Variants in NTAQ1 observed in about 807,000 individuals in gnomAD.
NTAQ1 encodes the protein N-terminal glutamine amidase 1.
Under a neutral mutation model 28.2 loss-of-function variants are expected in NTAQ1, and 21 were observed. The ratio of observed to expected loss-of-function variants is 0.74; its 90% CI spans 0.53 to 1.07. NTAQ1 has a LOEUF of 1.07. NTAQ1 is among the 50% of genes least tolerant of loss of function. The pLI, the probability that NTAQ1 is intolerant of heterozygous loss-of-function variation, is 0.00. For synonymous variants in NTAQ1, 105 were observed against 90.0 expected (o/e 1.17, Z -0.94); for missense variants, 264 against 256.6 (o/e 1.03, Z -0.20).
chr8:123,458,416 A>C (rs1018654063), intron 6 of NTAQ1, among the ~76,000 whole-genome samples: 7 of 152,036 alleles, frequency 4.6e-5, no homozygotes, highest in Non-Finnish European at 1.0e-4. Context: ...CTGTGAGTGA[A>C]AGTGAGACCT....
rs114510505 is a variant in NTAQ1, at chr8:123,462,509, C to T, written c.373-4570C>T. On this transcript the variant is annotated intron_variant, in intron 6 of 6. Transcript: ENST00000650311. Reference sequence around the variant, plus strand: ...TTCTAAGGCACTCTCTTAGAAGCCTCCTCAAAAAGAAGGAGATGATAATAA... The same window carrying T: ...TTCTAAGGCACTCTCTTAGAAGCCTTCTCAAAAAGAAGGAGATGATAATAA... Among the ~76,000 whole-genome samples the T allele has an allele frequency of 9.4e-3, 1,428 of 152,186 alleles. 27 individuals carry two copies. The highest frequency in any genetic ancestry group is 0.033 in the African/African-American group (1,373 of 41,506).
chr8:123,460,131 A>T (rs1228123553), intron 6 of NTAQ1, among the ~76,000 whole-genome samples: 2 of 152,100 alleles, frequency 1.3e-5, no homozygotes, highest in African/African-American at 2.4e-5. Context: ...CACAGCAGAT[A>T]TCTCTTGATT....
At chr8:123,455,041 T>C (rs1016575102) in intron 6 of NTAQ1, 2 of 152,210 alleles carry the variant, frequency 1.3e-5, no homozygotes, top group Admixed American at 1.3e-4. Flanking sequence ...TTCCATTTTG[T>C]TTTCAATTAG....
At position 123,439,462 on chromosome 8, in the gene NTAQ1, C is replaced by T. The variant is rs565200799; in HGVS notation, c.509-1844C>T. Among the ~76,000 whole-genome samples, 181 of 152,008 alleles carry T rather than the reference C, an allele frequency of 1.2e-3. 1 individual carries two copies. Among genetic ancestry groups the T allele is most frequent in the Non-Finnish European group, 2.3e-3 (155 of 67,986 alleles). Reference sequence around the variant, plus strand: ...GGTTCATGCCATTCTCCTGCCTCAGCCTCCTGAGTAGCTGGGACTACAGGC... The same window carrying T: ...GGTTCATGCCATTCTCCTGCCTCAGTCTCCTGAGTAGCTGGGACTACAGGC... On this transcript the variant is annotated intron_variant, in intron 5 of 5. Coordinates refer to ENST00000287387, the MANE Select transcript of NTAQ1 (RefSeq NM_018024.3).
chr8:123,435,756 AC>A (rs1413452109), intron 3 of NTAQ1, among the ~76,000 whole-genome samples: 1 of 151,984 alleles, frequency 6.6e-6, no homozygotes, highest in Non-Finnish European at 1.5e-5. Context: ...AGTCCCAGCT[AC>A]TCAGGAGGCT....
chr8:123,473,889 A>G (rs916930476), downstream of NTAQ1, among the ~76,000 whole-genome samples: 4 of 152,194 alleles, frequency 2.6e-5, no homozygotes, highest in African/African-American at 9.7e-5. Flanking sequence ...CATTATGGTT[A>G]GTCAGGAAGT....
intron 6 of NTAQ1, among the ~76,000 whole-genome samples, chr8:123,458,563 T>C (rs75904853): frequency 0.022 from 3,363 of 151,940 alleles, 113 homozygotes; most frequent in African/African-American, 0.074. Context: ...CATGAGCTCA[T>C]GCGAAGAGAG....
intron 6 of NTAQ1, chr8:123,447,904 AT>A (rs1815348371): frequency 1.3e-5 from 2 of 152,242 alleles, no homozygotes; most frequent in Admixed American, 1.3e-4. Context: ...CTGCTCTGCC[AT>A]GGACTACATT....
downstream of NTAQ1, among the ~76,000 whole-genome samples, chr8:123,452,103 C>T (rs986028804): frequency 2.0e-5 from 3 of 152,176 alleles, no homozygotes; most frequent in African/African-American, 4.8e-5. Context: ...TTGTCACAAA[C>T]GCAGATATGG....
intron 6 of NTAQ1, among the ~76,000 whole-genome samples, chr8:123,453,470 C>G (rs912077037): frequency 1.3e-5 from 2 of 151,624 alleles, no homozygotes; most frequent in African/African-American, 4.8e-5. Context: ...CTCTTGTCAC[C>G]TAGGCTGGAG....
At chr8:123,457,738 T>C (rs1815689388) in intron 6 of NTAQ1, among the ~76,000 whole-genome samples, 1 of 152,106 alleles carries the variant, frequency 6.6e-6, no homozygotes, top group African/African-American at 2.4e-5. Flanking sequence ...ATATTACTTA[T>C]TAAGGGTAGA....
intron 4 of NTAQ1, among the ~76,000 whole-genome samples, 163 bp from the exon 5 acceptor site, chr8:123,437,047 C>T (rs530212130): frequency 6.6e-6 from 1 of 152,208 alleles, no homozygotes; most frequent in Non-Finnish European, 1.5e-5. Flanking sequence ...TTGATCATTT[C>T]CTATGCTTCT....
chr8:123,472,322 G>A (rs928562177), downstream of NTAQ1, among the ~76,000 whole-genome samples: 9 of 152,168 alleles, frequency 5.9e-5, no homozygotes, highest in Non-Finnish European at 2.9e-5. Flanking sequence ...TACAGGCATG[G>A]CTTCCCATTT....
At chr8:123,428,137 G>A in intron 2 of NTAQ1, 114 bp downstream of exon 2, 1 of 700,386 alleles carries the variant, frequency 1.4e-6, no homozygotes, top group Non-Finnish European at 2.3e-6. Context: ...TCTGAAGTGT[G>A]CTTTATTAAA....
intron 6 of NTAQ1, among the ~76,000 whole-genome samples, chr8:123,463,293 T>C (rs1815883077): frequency 6.6e-6 from 1 of 152,218 alleles, no homozygotes; most frequent in Non-Finnish European, 1.5e-5. Flanking sequence ...GTGGTCTGTA[T>C]TCAAACTTCT....
At chr8:123,433,888 T>C (rs1379560732) in intron 3 of NTAQ1, among the ~76,000 whole-genome samples, 1 of 151,918 alleles carries the variant, frequency 6.6e-6, no homozygotes, top group African/African-American at 2.4e-5. Flanking sequence ...AACACAAATT[T>C]GTAAACTTTC....
At chr8:123,431,702 C>A (rs987316384) in intron 3 of NTAQ1, among the ~76,000 whole-genome samples, 3 of 152,166 alleles carry the variant, frequency 2.0e-5, no homozygotes, top group African/African-American at 7.2e-5. Context: ...TCTCATTGGT[C>A]AGCTGTGGGA....
chr8:123,466,445 G>A (rs1023160158), intron 6 of NTAQ1, among the ~76,000 whole-genome samples: 1 of 152,308 alleles, frequency 6.6e-6, no homozygotes, highest in Non-Finnish European at 1.5e-5. Flanking sequence ...GCCAGCTCTC[G>A]CAAAGAAGGG....
At chr8:123,434,271 C>A (rs936821897) in intron 3 of NTAQ1, among the ~76,000 whole-genome samples, 3 of 152,086 alleles carry the variant, frequency 2.0e-5, no homozygotes, top group African/African-American at 7.2e-5. Context: ...TCTTTTTCAT[C>A]TTTGCATCTG....
Sources: allele counts gnomAD v4.1 joint callset (sites outside exome capture counted in the v4.1 genomes callset), GRCh38; gene constraint gnomAD v4.1.1; transcripts MANE v1.5; gene names NCBI Gene and HGNC (gene_info 2026-07-23, HGNC 2026-07-21).